The following EFR3B variants were observed in gnomAD, a reference collection of about 807,000 sequenced individuals.
EFR3B encodes protein EFR3 homolog B.
A neutral mutation model predicts 104.7 loss-of-function variants in EFR3B; 64 were observed. That is an observed-to-expected ratio of 0.61 (90% CI 0.50 to 0.75). The LOEUF is 0.75. Among genes scored for constraint, EFR3B ranks in the 30% least tolerant of loss-of-function variants. The probability of loss-of-function intolerance (pLI) is 0.00; values close to 1 mark genes in which losing one functional copy is unlikely to be tolerated. For synonymous variants in EFR3B, 385 were observed against 417.9 expected, an observed-to-expected ratio of 0.92 and a Z score of 0.96; for missense variants, 750 against 1,078.5, an observed-to-expected ratio of 0.70 and a Z score of 4.27.
At chr2:25,048,806 C>T (rs945086983) in intron 1 of EFR3B, among the ~76,000 whole-genome samples, 2 of 152,176 alleles carry the variant, frequency 1.3e-5, no homozygotes, top group Non-Finnish European at 2.9e-5. Context: ...GGGGCCACTA[C>T]CAGTCTCCAC....
At chr2:25,064,428 G>C (rs560815353) in intron 1 of EFR3B, among the ~76,000 whole-genome samples, 1 of 152,218 alleles carries the variant, frequency 6.6e-6, no homozygotes, top group East Asian at 1.9e-4. Flanking sequence ...AAAGCTGAAG[G>C]TGAGTAACCC....
intron 1 of EFR3B, among the ~76,000 whole-genome samples, chr2:25,050,466 G>T (rs1667836376): frequency 6.6e-6 from 1 of 152,072 alleles, no homozygotes; most frequent in Admixed American, 6.6e-5. Context: ...GTGAGGATAA[G>T]GTGAATTGAA....
At chr2:25,128,013 A>G (rs1670213580) in intron 5 of EFR3B, among the ~76,000 whole-genome samples, 170 bp from the exon 6 acceptor site, 1 of 152,166 alleles carries the variant, frequency 6.6e-6, no homozygotes. Flanking sequence ...TCCTGGGCTC[A>G]TGTCTGCCAG....
At chr2:25,092,216 G>A (rs1156357950) in intron 2 of EFR3B, among the ~76,000 whole-genome samples, 2 of 147,664 alleles carry the variant, frequency 1.4e-5, no homozygotes, top group Admixed American at 6.7e-5. Context: ...TTACAGGCAC[G>A]TGCCACCATG....
chr2:25,045,949 C>G (rs1667704315), intron 1 of EFR3B, among the ~76,000 whole-genome samples: 1 of 152,214 alleles, frequency 6.6e-6, no homozygotes, highest in Non-Finnish European at 1.5e-5. Flanking sequence ...CAACCACAGT[C>G]TGTGCACCCC....
rs1332686706 is a variant in EFR3B at position 25,153,774 on chromosome 2, C to G, written c.2348+13C>G. On this transcript the variant is annotated intron_variant, in intron 22 of 22. Transcript: ENST00000403714. ...AAATCACCATCCGGTAAGTGACAAC[C>G]CTGGGCAGGGGACCCTGACCTCCGT... The G allele has an allele frequency of 8.4e-6, 13 of 1,551,544 alleles. No individual in the cohort carries two copies. Among genetic ancestry groups the G allele is most frequent in the Non-Finnish European group, 1.1e-5 (13 of 1,146,986 alleles).
intron 3 of EFR3B, among the ~76,000 whole-genome samples, chr2:25,094,952 G>A (rs1351653473): frequency 6.6e-6 from 1 of 151,954 alleles, no homozygotes; most frequent in East Asian, 1.9e-4. Flanking sequence ...ACCATGCCTG[G>A]CTTATTTTTT....
Position 25,042,345 on chromosome 2 carries a change from C to A in EFR3B, c.7+26C>A. Reference sequence around the variant, plus strand: ...GTAAGGAGGGCTCCGCGCCCGGGCCCGGGCCCGCGGGGGCGACTCCGCAAA... The same window carrying A: ...GTAAGGAGGGCTCCGCGCCCGGGCCAGGGCCCGCGGGGGCGACTCCGCAAA... On this transcript the variant is annotated intron_variant, in intron 1 of 22. Transcript: ENST00000403714. This position sits in a 1 kb window ranked among gnomAD's most constrained non-coding sequence, Gnocchi z 5.4. 1 of 1,257,980 alleles carries A rather than the reference C, an allele frequency of 7.9e-7. No individual in the cohort carries two copies. The highest frequency in any genetic ancestry group is 1.0e-6 in the Non-Finnish European group (1 of 1,000,200). 77.9% of individuals were successfully genotyped at this position (1,257,980 alleles called of 1,614,324 possible). A position where few individuals can be genotyped will look rare whatever the true frequency, so the allele number is the denominator to read the frequency against.
At chr2:25,064,734 A>T (rs113819940) in intron 1 of EFR3B, among the ~76,000 whole-genome samples, 101 of 152,318 alleles carry the variant, frequency 6.6e-4, no homozygotes, top group African/African-American at 2.2e-3. Flanking sequence ...AAGAAAGCTG[A>T]ATACAGAAGC....
In EFR3B at chr2:25,137,466, G is replaced by C. The variant is rs2149208383; in HGVS notation, c.1686G>C (p.Val562=). 6.4e-7 allele frequency: 1 copy of C among 1,551,732 alleles called. No homozygotes were observed. The highest frequency in any genetic ancestry group is 2.4e-5 in the East Asian group (1 of 40,914). ...GCATCGAGCTGGCTAACGAGGAGGT[G>C]GTGGTGGACCTCATCCGTCTGGTGC... is the stretch of plus-strand genomic sequence containing the variant. ...LISIELANEE[V]VVDLIRLVLA... is the part of the protein sequence containing the mutation. Residue 562 remains valine (V), a synonymous_variant, in exon 15 of 23, where the codon GTG becomes GTC. Coordinates refer to ENST00000403714, the MANE Select transcript of EFR3B (RefSeq NM_014971.2). This position sits in a 1 kb window ranked among gnomAD's most constrained non-coding sequence, Gnocchi z 4.7.
At chr2:25,052,681 T>A (rs922993182) in intron 1 of EFR3B, among the ~76,000 whole-genome samples, 10 of 152,062 alleles carry the variant, frequency 6.6e-5, no homozygotes, top group Admixed American at 2.6e-4. Flanking sequence ...GTTTTTGTAT[T>A]TTTAGTCGAG....
Position 25,154,462 on chromosome 2 carries a change from C to A in EFR3B, c.*122C>A. 4 of 891,854 alleles carry A rather than the reference C, an allele frequency of 4.5e-6. No individual in the cohort carries two copies. Among genetic ancestry groups the A allele is most frequent in the Non-Finnish European group, 6.8e-6 (4 of 584,354 alleles). 55.2% of individuals were successfully genotyped at this position (891,854 alleles called of 1,614,324 possible). On this transcript the variant is annotated 3_prime_UTR_variant, in exon 23 of 23. Coordinates refer to ENST00000403714, the MANE Select transcript of EFR3B (RefSeq NM_014971.2). This position sits in a 1 kb window ranked among gnomAD's most constrained non-coding sequence, Gnocchi z 4.1. ...GAAAACATCACCTTAGATGGCAGCG[C>A]CTCCCAGGCTAAGCCAAGGTGGAGA...
At chr2:25,079,805 A>G (rs1668739232) in intron 1 of EFR3B, 1 of 698,148 alleles carries the variant, frequency 1.4e-6, no homozygotes, top group African/African-American at 1.8e-5. Flanking sequence ...TGGCAATTAC[A>G]ACCTCCACAC....
chr2:25,131,221 G>C lies in EFR3B; in HGVS notation c.850-147G>C. 1 of 1,083,992 alleles carries C rather than the reference G, an allele frequency of 9.2e-7. No individual in the cohort carries two copies. Among genetic ancestry groups the C allele is most frequent in the East Asian group, 2.6e-5 (1 of 38,258 alleles). The allele number at this position is 1,083,992 out of a possible 1,614,324, so 67.1% of individuals were successfully genotyped here. A position where few individuals can be genotyped will look rare whatever the true frequency, so the allele number is the denominator to read the frequency against. Reference sequence around the variant, plus strand: ...GGGAGAAGGGAAGGATCCAGTAAAGGGCACGAGGTGTCAGTGCCAACTGCA... The same window carrying C: ...GGGAGAAGGGAAGGATCCAGTAAAGCGCACGAGGTGTCAGTGCCAACTGCA... On this transcript the variant is annotated intron_variant, in intron 8 of 22. Transcript: ENST00000403714. This position sits in a 1 kb window ranked among gnomAD's most constrained non-coding sequence, Gnocchi z 7.6.
chr2:25,091,190 C>A, intron 1 of EFR3B, 135 bp from the exon 2 acceptor site: 1 of 744,142 alleles, frequency 1.3e-6, no homozygotes, highest in Non-Finnish European at 2.2e-6. Flanking sequence ...AGGCCCCGAG[C>A]CCTCCAAGGG....
intron 3 of EFR3B, among the ~76,000 whole-genome samples, chr2:25,094,214 G>A (rs1452424767): frequency 6.8e-6 from 1 of 147,540 alleles, no homozygotes; most frequent in African/African-American, 2.5e-5. Flanking sequence ...GAGCCCAAGA[G>A]GTCAAGGCTG....
chr2:25,125,385 A>C (rs1462427310), intron 5 of EFR3B, among the ~76,000 whole-genome samples: 1 of 152,152 alleles, frequency 6.6e-6, no homozygotes. Context: ...TCCCTTGGTT[A>C]GGGAGTGCCT....
rs959260252 is a variant in EFR3B at position 25,049,051 on chromosome 2, G to A, written c.7+6732G>A. Among the ~76,000 whole-genome samples the A allele has an allele frequency of 2.0e-5, 3 of 152,252 alleles. No homozygotes were observed. The South Asian group carries it at 6.2e-4, about 32-fold the overall frequency. On this transcript the variant is annotated intron_variant, in intron 1 of 22. Transcript: ENST00000403714. ...GTAGCCCTTCAAATGGATTGGTCAAGGTATATAAACATTTTAAGACTAGTT... is the reference window on the plus strand; with the variant it reads ...GTAGCCCTTCAAATGGATTGGTCAAAGTATATAAACATTTTAAGACTAGTT...
At chr2:25,095,664 C>A (rs560542512) in intron 3 of EFR3B, among the ~76,000 whole-genome samples, 1 of 152,176 alleles carries the variant, frequency 6.6e-6, no homozygotes, top group East Asian at 1.9e-4. Context: ...CCACTGCACT[C>A]CAGCCTGGGC....
Sources: gnomAD v4.1 joint callset for allele counts (sites outside exome capture counted in the v4.1 genomes callset) on GRCh38, gnomAD v4.1.1 for gene constraint, Gnocchi (gnomAD v3.1) non-coding constraint, MANE v1.5 for transcripts, NCBI Gene and HGNC (gene_info 2026-07-23, HGNC 2026-07-21) for gene names.